The following PTPRD variants were observed in gnomAD, a reference collection of about 807,000 sequenced individuals.
PTPRD encodes protein tyrosine phosphatase receptor type D.
Under a neutral mutation model 214.5 loss-of-function variants are expected in PTPRD, and 34 were observed. That is an observed-to-expected ratio of 0.16 (90% confidence interval 0.12 to 0.21). The LOEUF (loss-of-function observed/expected upper bound fraction) is 0.21. Among genes scored for constraint, PTPRD ranks in the 10% least tolerant of loss-of-function variants. The pLI is 1.00. For missense variants in PTPRD, 2,545 were observed against 2,398.7 expected (o/e 1.06, Z -1.27); for synonymous variants, 1,128 against 845.7 (o/e 1.33, Z -5.79).
intron 10 of PTPRD, among the ~76,000 whole-genome samples, chr9:9,064,206 A>G (rs868466809): frequency 6.6e-6 from 1 of 152,156 alleles, no homozygotes; most frequent in South Asian, 2.1e-4. Flanking sequence ...TAGTTTCAAC[A>G]TGTATATTGT....
At chr9:9,399,666 G>C (rs1248771755) in intron 8 of PTPRD, among the ~76,000 whole-genome samples, 2 of 151,940 alleles carry the variant, frequency 1.3e-5, no homozygotes, top group Non-Finnish European at 2.9e-5. Flanking sequence ...TTCCCATGTG[G>C]TTCTCATGAT....
chr9:10,285,678 T>G (rs571213768), intron 3 of PTPRD, among the ~76,000 whole-genome samples: 11 of 145,564 alleles, frequency 7.6e-5, no homozygotes, highest in African/African-American at 2.3e-4. Context: ...TGGTGCCATC[T>G]AGGCTCACTG....
intron 2 of PTPRD, among the ~76,000 whole-genome samples, chr9:10,380,110 C>A (rs947151275): frequency 1.1e-4 from 17 of 152,152 alleles, no homozygotes; most frequent in Non-Finnish European, 2.5e-4. Context: ...CAGGCAGGAG[C>A]CACTCAACAA....
chr9:9,970,028 A>G (rs183481555), intron 4 of PTPRD, among the ~76,000 whole-genome samples: 2 of 152,274 alleles, frequency 1.3e-5, no homozygotes, highest in East Asian at 1.9e-4. Flanking sequence ...AAATGGGTAC[A>G]TGGGGACAGT....
Position 8,666,095 on chromosome 9 carries a change from G to C in PTPRD, c.65-29251C>G, listed in dbSNP as rs769736725. 9.3e-5 allele frequency among the ~76,000 whole-genome samples: 14 copies of C among 150,612 alleles called. 1 individual carries two copies. Among genetic ancestry groups the C allele is most frequent in the Non-Finnish European group, 1.5e-5 (1 of 67,810 alleles). Reference sequence around the variant, plus strand: ...ATATTTAAAACTATCAGCATTTACAGCTTTGTATTGTAAAAGAATATGCTA... The same window carrying C: ...ATATTTAAAACTATCAGCATTTACACCTTTGTATTGTAAAAGAATATGCTA... On this transcript the variant is annotated intron_variant, in intron 12 of 45. Transcript: ENST00000381196.
chr9:10,241,954 T>C (rs1443756260), intron 3 of PTPRD, among the ~76,000 whole-genome samples: 2 of 151,930 alleles, frequency 1.3e-5, no homozygotes, highest in Non-Finnish European at 2.9e-5. Flanking sequence ...ATATTTCTTA[T>C]TTACAAATGG....
intron 8 of PTPRD, among the ~76,000 whole-genome samples, chr9:9,533,587 T>C (rs2154266154): frequency 6.6e-6 from 1 of 152,258 alleles, no homozygotes. Flanking sequence ...ATAAAAACAA[T>C]ATTTGAAATG....
intron 2 of PTPRD, among the ~76,000 whole-genome samples, chr9:10,539,392 C>A (rs553405504): frequency 1.3e-5 from 2 of 152,216 alleles, no homozygotes; most frequent in South Asian, 2.1e-4. Flanking sequence ...GCCACGTTGG[C>A]CAGGCTGGTC....
At chr9:10,166,323 G>A (rs1207278680) in intron 3 of PTPRD, among the ~76,000 whole-genome samples, 1 of 149,464 alleles carries the variant, frequency 6.7e-6, no homozygotes, top group Non-Finnish European at 1.5e-5. Context: ...CATCCTATCA[G>A]CAGGCATATT....
intron 9 of PTPRD, among the ~76,000 whole-genome samples, chr9:9,202,479 C>T (rs2099942453): frequency 6.6e-6 from 1 of 152,040 alleles, no homozygotes; most frequent in Admixed American, 6.6e-5. Flanking sequence ...TTCAAAATGT[C>T]CCAAAGAAAA....
At chr9:10,232,415 G>C (rs887688951) in intron 3 of PTPRD, among the ~76,000 whole-genome samples, 1 of 151,886 alleles carries the variant, frequency 6.6e-6, no homozygotes, top group Non-Finnish European at 1.5e-5. Context: ...ACTTCCCTTT[G>C]AGTTTCCTAG....
intron 3 of PTPRD, among the ~76,000 whole-genome samples, chr9:10,178,554 G>T (rs1054448939): frequency 2.0e-5 from 3 of 152,088 alleles, no homozygotes; most frequent in African/African-American, 7.2e-5. Context: ...GATTTCAACA[G>T]ATGAACAGTA....
intron 3 of PTPRD, among the ~76,000 whole-genome samples, chr9:10,253,087 A>C (rs1019683162): frequency 6.6e-6 from 1 of 152,056 alleles, no homozygotes; most frequent in Non-Finnish European, 1.5e-5. Flanking sequence ...CTGGCCACGT[A>C]TTTTATTTTA....
At chr9:9,162,137 A>G (rs914920536) in intron 10 of PTPRD, among the ~76,000 whole-genome samples, 1 of 152,118 alleles carries the variant, frequency 6.6e-6, no homozygotes, top group Non-Finnish European at 1.5e-5. Context: ...GTGCCTAGAA[A>G]ATTCCTCACA....
chr9:9,320,537 A>G (rs1373294686), intron 9 of PTPRD, among the ~76,000 whole-genome samples: 1 of 152,148 alleles, frequency 6.6e-6, no homozygotes, highest in South Asian at 2.1e-4. Context: ...CTTCACTTAC[A>G]TCTGTAGTAC....
chr9:9,604,760 T>A (rs2094031837), intron 7 of PTPRD, among the ~76,000 whole-genome samples: 1 of 152,014 alleles, frequency 6.6e-6, no homozygotes, highest in South Asian at 2.1e-4. Flanking sequence ...CATCATCCAT[T>A]TCTATGGCTA....
intron 2 of PTPRD, among the ~76,000 whole-genome samples, chr9:10,579,007 C>G (rs2070691318): frequency 6.6e-6 from 1 of 152,068 alleles, no homozygotes; most frequent in African/African-American, 2.4e-5. Flanking sequence ...CTGCACCTCT[C>G]AACCCATCAC....
At chr9:9,950,444 G>GATCAAACTATCTTTTATACCCCTCAAT (rs1586923741) in intron 4 of PTPRD, among the ~76,000 whole-genome samples, 1 of 96,198 alleles carries the variant, frequency 1.0e-5, no homozygotes, top group Non-Finnish European at 1.8e-5. Flanking sequence ...GAAAGTGGAG[G>GATCAAACTATCTTTTATACCCCTCAAT]CCGGGCGCGG....
intron 39 of PTPRD, among the ~76,000 whole-genome samples, chr9:8,364,676 C>T (rs997004175): frequency 2.0e-5 from 3 of 152,326 alleles, no homozygotes; most frequent in East Asian, 1.9e-4. Context: ...CAGGCACTGC[C>T]GCAAGGCAGG....
Sources: allele counts gnomAD v4.1 joint callset (sites outside exome capture counted in the v4.1 genomes callset), GRCh38; gene constraint gnomAD v4.1.1; transcripts MANE v1.5; gene names NCBI Gene and HGNC (gene_info 2026-07-23, HGNC 2026-07-21).